GALNT14: variants seen among roughly 807,000 people sequenced by gnomAD.
GALNT14 encodes the protein UDP-GalNAc:polypeptide N-acetylgalactosaminyltransferase 14.
In GALNT14, 60 loss-of-function variants were observed where a neutral mutation model predicts 77.5. The observed-to-expected ratio is 0.77, with a 90% confidence interval of 0.63 to 0.96. The LOEUF is 0.96. GALNT14 is among the 40% of genes least tolerant of loss of function. GALNT14 has a pLI of 0.00. For synonymous variants in GALNT14, 280 were observed against 281.7 expected, an observed-to-expected ratio of 0.99 and a Z score of 0.06; for missense variants, 710 against 731.0, an observed-to-expected ratio of 0.97 and a Z score of 0.33.
intron 1 of GALNT14, among the ~76,000 whole-genome samples, chr2:31,016,803 C>T (rs184977391): frequency 2.0e-4 from 30 of 152,292 alleles, no homozygotes; most frequent in Admixed American, 1.3e-4. Flanking sequence ...CCTCACTCCC[C>T]TCCTCCTGGG....
At chr2:31,027,593 AG>A (rs1672145953) in intron 1 of GALNT14, among the ~76,000 whole-genome samples, 1 of 152,190 alleles carries the variant, frequency 6.6e-6, no homozygotes, top group Non-Finnish European at 1.5e-5. Flanking sequence ...TGGCAACTTT[AG>A]GAAGAAACCT....
chr2:31,028,246 C>G (rs1672193030), intron 1 of GALNT14, among the ~76,000 whole-genome samples: 1 of 152,136 alleles, frequency 6.6e-6, no homozygotes, highest in Non-Finnish European at 1.5e-5. Context: ...CTCTGAGGGG[C>G]TCCACAAGTC....
intron 1 of GALNT14, among the ~76,000 whole-genome samples, chr2:31,041,329 T>C (rs772760923): frequency 1.3e-5 from 2 of 152,058 alleles, no homozygotes; most frequent in African/African-American, 4.8e-5. Flanking sequence ...TAAAGTACTA[T>C]AGAAGGAGAG....
intron 1 of GALNT14, among the ~76,000 whole-genome samples, chr2:31,045,438 A>C (rs915306743): frequency 7.2e-5 from 11 of 152,150 alleles, no homozygotes; most frequent in Non-Finnish European, 2.9e-5. Flanking sequence ...AGGAACTTCC[A>C]TGACCCCTCC....
intron 2 of GALNT14, among the ~76,000 whole-genome samples, chr2:30,973,872 C>T (rs552725232): frequency 1.7e-4 from 26 of 152,256 alleles, no homozygotes; most frequent in African/African-American, 5.3e-4. Flanking sequence ...CAGTGAGATT[C>T]GCTATTCCAT....
At chr2:31,077,287 C>T (rs1359119068) in intron 1 of GALNT14, among the ~76,000 whole-genome samples, 2 of 152,192 alleles carry the variant, frequency 1.3e-5, no homozygotes, top group Non-Finnish European at 2.9e-5. Context: ...TTACAAGCTA[C>T]AAATCTTCCC....
chr2:31,019,671 T>C (rs1671598663), intron 1 of GALNT14, among the ~76,000 whole-genome samples: 1 of 152,176 alleles, frequency 6.6e-6, no homozygotes, highest in African/African-American at 2.4e-5. Context: ...TGGACCTTCC[T>C]GGGAGTGGCA....
intron 13 of GALNT14, among the ~76,000 whole-genome samples, chr2:30,914,848 A>G (rs1664580959): frequency 6.6e-6 from 1 of 152,102 alleles, no homozygotes; most frequent in Non-Finnish European, 1.5e-5. Context: ...AAATATCCAG[A>G]ATGTGATCTA....
chr2:31,055,334 T>C (rs1312588405), intron 1 of GALNT14, among the ~76,000 whole-genome samples: 3 of 152,252 alleles, frequency 2.0e-5, no homozygotes, highest in Non-Finnish European at 2.9e-5. Context: ...TGGGCACTTA[T>C]CCCTTTGGAA....
At chr2:31,133,144 G>A (rs919927810) in intron 1 of GALNT14, among the ~76,000 whole-genome samples, 1 of 152,050 alleles carries the variant, frequency 6.6e-6, no homozygotes, top group African/African-American at 2.4e-5. Context: ...AATTTTCGGG[G>A]AGACTGATTT....
At chr2:30,908,818 G>T (rs1427749256), downstream of GALNT14, among the ~76,000 whole-genome samples, 2 of 146,084 alleles carry the variant, frequency 1.4e-5, no homozygotes, top group African/African-American at 5.3e-5. Flanking sequence ...ATACTACAAG[G>T]CTACAGTAAC....
intron 1 of GALNT14, among the ~76,000 whole-genome samples, chr2:31,050,617 G>A (rs954239232): frequency 6.6e-6 from 1 of 152,190 alleles, no homozygotes; most frequent in Middle Eastern, 3.2e-3. Context: ...TCAGTTAACA[G>A]TGAAGCATCT....
intron 1 of GALNT14, among the ~76,000 whole-genome samples, chr2:31,099,407 G>T (rs530602095): frequency 9.2e-5 from 14 of 151,710 alleles, no homozygotes; most frequent in African/African-American, 3.4e-4. Context: ...CTACTTAGAA[G>T]ATTTTTTTCC....
chr2:31,048,633 A>C (rs1400090393), intron 1 of GALNT14, among the ~76,000 whole-genome samples: 6 of 70,278 alleles, frequency 8.5e-5, no homozygotes, highest in African/African-American at 3.4e-4. Context: ...TCCCCGCAGC[A>C]GCAATTTCAG....
intron 1 of GALNT14, among the ~76,000 whole-genome samples, chr2:31,005,972 A>G (rs1021593403): frequency 6.6e-6 from 1 of 152,132 alleles, no homozygotes; most frequent in Non-Finnish European, 1.5e-5. Flanking sequence ...GATTCTGGAG[A>G]GAGACTTGGG....
At position 30,916,804 on chromosome 2, in the gene GALNT14, C is replaced by T. The variant is rs138857867; in HGVS notation, c.1381-4462G>A. On this transcript the variant is annotated intron_variant, in intron 13 of 14. Transcript: ENST00000349752. ...AAGAGGTAACTAAAAGAGGGTCAGG[C>T]GCGGTGGCTCTTGCCTGTAATCCCA... Among the ~76,000 whole-genome samples the T allele has an allele frequency of 4.6e-3, 700 of 151,984 alleles. 6 individuals carry two copies. The highest frequency in any genetic ancestry group is 0.016 in the African/African-American group (666 of 41,410).
the GALNT14 span, among the ~76,000 whole-genome samples, chr2:30,895,614 C>T: frequency 6.6e-6 from 1 of 152,106 alleles, no homozygotes; most frequent in African/African-American, 2.4e-5. Flanking sequence ...CAAATGTGGG[C>T]TCCTGTACTT....
At chr2:31,065,055 G>A (rs1674853760) in intron 1 of GALNT14, 1 of 151,452 alleles carries the variant, frequency 6.6e-6, no homozygotes, top group South Asian at 2.2e-4. Context: ...GGAGTGGCCA[G>A]AAGCAGGCCC....
At chr2:30,946,951 C>A (rs1666733651) in intron 6 of GALNT14, among the ~76,000 whole-genome samples, 2 of 152,180 alleles carry the variant, frequency 1.3e-5, no homozygotes, top group African/African-American at 4.8e-5. Flanking sequence ...ACTGTCTTCT[C>A]CCCAAACATG....
Sources: allele counts gnomAD v4.1 joint callset (sites outside exome capture counted in the v4.1 genomes callset), GRCh38; gene constraint gnomAD v4.1.1; transcripts MANE v1.5; gene names NCBI Gene and HGNC (gene_info 2026-07-23, HGNC 2026-07-21).